Variants in FAM118A observed in about 807,000 individuals in gnomAD.
FAM118A encodes protein FAM118A.
Under a neutral mutation model 38.2 loss-of-function variants are expected in FAM118A, and 25 were observed. That is an observed-to-expected ratio of 0.65 (90% confidence interval 0.48 to 0.91). The LOEUF is 0.91. FAM118A is among the 40% of genes least tolerant of loss of function. FAM118A has a pLI of 0.00. For missense variants in FAM118A, 425 were observed against 463.3 expected (o/e 0.92, Z 0.76); for synonymous variants, 178 against 184.1 (o/e 0.97, Z 0.27).
chr22:45,326,986 C>G (rs2085321856), intron 3 of FAM118A, among the ~76,000 whole-genome samples: 1 of 151,216 alleles, frequency 6.6e-6, no homozygotes, highest in African/African-American at 2.4e-5. Flanking sequence ...TGCACTCCAG[C>G]CTGGGTGACA....
chr22:45,335,017 CTG>C (rs2085986860), intron 6 of FAM118A: 1 of 325,270 alleles, frequency 3.1e-6, no homozygotes, highest in Non-Finnish European at 5.6e-6. Flanking sequence ...GAGTTTTAAT[CTG>C]TGACTGTGTC....
At chr22:45,330,337 C>T (rs369861903) in intron 4 of FAM118A, 32 of 218,890 alleles carry the variant, frequency 1.5e-4, no homozygotes, top group African/African-American at 6.1e-4. Flanking sequence ...AGCTCTTTTG[C>T]TATCATGGGA....
rs1321793893 is a variant in FAM118A at position 45,341,870 on chromosome 22, A to C, written c.*1465A>C. 6.6e-6 allele frequency: 1 copy of C among 152,244 alleles called. No homozygotes were observed. The highest frequency in any genetic ancestry group is 1.5e-5 in the Non-Finnish European group (1 of 68,042). The allele number at this position is 152,244 out of a possible 1,614,324, so 9.4% of individuals were successfully genotyped here. A position where few individuals can be genotyped will look rare whatever the true frequency, so the allele number is the denominator to read the frequency against. On this transcript the variant is annotated 3_prime_UTR_variant, in exon 9 of 9. Transcript: ENST00000441876. ...GGTAGGATGCATAGGGAGGGAGAGA[A>C]GCCCTGAAAACTTTTTTTTTCTTTT...
intron 8 of FAM118A, among the ~76,000 whole-genome samples, chr22:45,336,660 A>G (rs934446130): frequency 3.3e-5 from 5 of 152,252 alleles, no homozygotes; most frequent in African/African-American, 1.2e-4. Context: ...ACATACACTA[A>G]GAAGGTGCAG....
In FAM118A at chr22:45,332,688, G is replaced by A. The variant is rs1243801402; in HGVS notation, c.915G>A (p.Gln305=). The change falls in exon 6 of 9, where the codon CAG becomes CAA. Residue 305 remains glutamine, a synonymous_variant. Transcript: ENST00000441876. ...FPGYVQDLAT[Q]ICKQQSPDAD... Reference sequence around the variant, plus strand: ...GATATGTGCAAGACCTTGCCACTCAGATCTGCAAACAGCAAAGCCCAGGTA... The same window carrying A: ...GATATGTGCAAGACCTTGCCACTCAAATCTGCAAACAGCAAAGCCCAGGTA... 1 of 1,605,404 alleles carries A rather than the reference G, an allele frequency of 6.2e-7. No homozygotes were observed. Among genetic ancestry groups the A allele is most frequent in the Non-Finnish European group, 8.5e-7 (1 of 1,174,288 alleles).
At chr22:45,324,697 C>T (rs1304598268) in intron 3 of FAM118A, among the ~76,000 whole-genome samples, 1 of 152,202 alleles carries the variant, frequency 6.6e-6, no homozygotes, top group Non-Finnish European at 1.5e-5. Context: ...TTCATGCCTC[C>T]AGGCCCAGGT....
intron 6 of FAM118A, among the ~76,000 whole-genome samples, chr22:45,334,414 T>TA (rs1008491826): frequency 6.6e-6 from 1 of 152,232 alleles, no homozygotes; most frequent in African/African-American, 2.4e-5. Context: ...ATCCAATCGC[T>TA]AAAGTTTTTG....
intron 1 of FAM118A, chr22:45,318,821 T>A (rs1015914061): frequency 2.6e-5 from 4 of 152,226 alleles, no homozygotes; most frequent in Admixed American, 2.6e-4. Context: ...CATCTGCCTA[T>A]TGAGGTTGGA....
At chr22:45,319,128 G>A (rs879864430) in intron 1 of FAM118A, among the ~76,000 whole-genome samples, 1 of 152,234 alleles carries the variant, frequency 6.6e-6, no homozygotes. Flanking sequence ...ACTTATATGT[G>A]GAGAATCGAA....
chr22:45,324,259 C>A (rs933038775), intron 3 of FAM118A, among the ~76,000 whole-genome samples: 1 of 152,238 alleles, frequency 6.6e-6, no homozygotes, highest in African/African-American at 2.4e-5. Context: ...CCTAGAGACC[C>A]GGGTGGGCAG....
intron 1 of FAM118A, among the ~76,000 whole-genome samples, chr22:45,313,295 T>C (rs1431645373): frequency 6.6e-6 from 1 of 151,476 alleles, no homozygotes; most frequent in Non-Finnish European, 1.5e-5. Flanking sequence ...GCAGGTGCCT[T>C]TCAGTGTCAG....
intron 1 of FAM118A, among the ~76,000 whole-genome samples, chr22:45,314,555 A>AT (rs2084522796): frequency 6.6e-6 from 1 of 152,134 alleles, no homozygotes; most frequent in Admixed American, 6.5e-5. Flanking sequence ...CTTAGTCTCA[A>AT]TTTTCACTTC....
chr22:45,335,065 A>G (rs138328402), intron 6 of FAM118A: 145 of 444,382 alleles, frequency 3.3e-4, no homozygotes, highest in African/African-American at 2.7e-3. Flanking sequence ...ATGGAGTGCC[A>G]CTCCTGATGG....
chr22:45,336,336 T>A lies in FAM118A; in HGVS notation c.979T>A (p.Cys327Ser). The A allele has an allele frequency of 6.2e-7, 1 of 1,613,650 alleles. No individual in the cohort carries two copies. Among genetic ancestry groups the A allele is most frequent in the Non-Finnish European group, 8.5e-7 (1 of 1,179,604 alleles). ...VDSTTLLGNA[C>S]QDCAKRKLEE... ...AAATTCTTCTCTTTTAGGTAATGCA[T>A]GCCAGGACTGTGCAAAGAGGAAGTT... The change falls in exon 8 of 9, where the codon TGC becomes AGC. Residue 327 changes from cysteine to serine, a missense_variant. Cys to Ser is a moderately radical substitution (Grantham distance 112). Coordinates refer to ENST00000441876, the MANE Select transcript of FAM118A (RefSeq NM_017911.4).
At chr22:45,328,558 G>A in intron 4 of FAM118A, 1 of 700,728 alleles carries the variant, frequency 1.4e-6, no homozygotes, top group Non-Finnish European at 2.6e-6. Context: ...CTTGAGCCCA[G>A]GAGTTCCAGA....
intron 5 of FAM118A, among the ~76,000 whole-genome samples, chr22:45,332,114 C>T (rs936566167): frequency 1.3e-5 from 2 of 152,174 alleles, no homozygotes; most frequent in African/African-American, 2.4e-5. Flanking sequence ...GTGGGGTGGG[C>T]GATGGGCTGG....
At chr22:45,311,772 C>A (rs1227216922) in intron 1 of FAM118A, among the ~76,000 whole-genome samples, 3 of 152,086 alleles carry the variant, frequency 2.0e-5, no homozygotes, top group Admixed American at 6.5e-5. Flanking sequence ...TGGACCAAGG[C>A]GGTGGTAGTG....
chr22:45,323,076 T>TGTGA, intron 2 of FAM118A, 99 bp from the exon 3 acceptor site: 38 of 1,282,146 alleles, frequency 3.0e-5, no homozygotes, highest in Non-Finnish European at 3.7e-5. Context: ...TGTGTGTGTG[T>TGTGA]ACACAGCACA....
At chr22:45,316,405 G>C (rs1347459450) in intron 1 of FAM118A, among the ~76,000 whole-genome samples, 1 of 152,184 alleles carries the variant, frequency 6.6e-6, no homozygotes, top group Non-Finnish European at 1.5e-5. Context: ...CCTGATGGCT[G>C]TGAAAAAGGA....
Sources: gnomAD v4.1 joint callset for allele counts (sites outside exome capture counted in the v4.1 genomes callset) on GRCh38, gnomAD v4.1.1 for gene constraint, MANE v1.5 for transcripts, NCBI Gene and HGNC (gene_info 2026-07-23, HGNC 2026-07-21) for gene names.